The following WRN variants were observed in gnomAD, a reference collection of about 807,000 sequenced individuals.
WRN encodes bifunctional 3'-5' exonuclease/ATP-dependent helicase WRN.
A neutral mutation model predicts 180.7 loss-of-function variants in WRN; 149 were observed. The ratio of observed to expected loss-of-function variants is 0.82; its 90% CI spans 0.72 to 0.94. WRN has a LOEUF of 0.94. Ranked by LOEUF, WRN falls within the 40% of genes least tolerant of loss-of-function variation. The pLI is 0.00. For synonymous variants in WRN, 548 were observed against 568.9 expected (o/e 0.96, Z 0.52); for missense variants, 1,661 against 1,700.1 (o/e 0.98, Z 0.40).
chr8:31,088,525 A>G (rs1446777375), intron 12 of WRN, among the ~76,000 whole-genome samples: 2 of 152,148 alleles, frequency 1.3e-5, no homozygotes, highest in Non-Finnish European at 2.9e-5. Flanking sequence ...GTGCGGGACT[A>G]ATGTAATTTC....
chr8:31,157,260 T>A (rs1008577057), intron 32 of WRN, 108 bp from the exon 33 acceptor site: 1 of 1,495,258 alleles, frequency 6.7e-7, no homozygotes, highest in Non-Finnish European at 9.1e-7. Context: ...TAGTTCATTG[T>A]TTATTTCACA....
chr8:31,099,557 G>T lies in WRN; in HGVS notation c.1982-1292G>T, dbSNP rs375905974. Among the ~76,000 whole-genome samples, 814 of 144,834 alleles carry T rather than the reference G, an allele frequency of 5.6e-3. 4 individuals are homozygous for T. Among genetic ancestry groups the T allele is most frequent in the African/African-American group, 0.013 (496 of 38,414 alleles). On this transcript the variant is annotated intron_variant, in intron 17 of 34. Coordinates refer to ENST00000298139, the MANE Select transcript of WRN (RefSeq NM_000553.6). ...CCCATGTTTAGTAGGTTTTTTTTTTGTTTGTTTGTTTGTTTTTTTTTTTTG... is the reference window on the plus strand; with the variant it reads ...CCCATGTTTAGTAGGTTTTTTTTTTTTTTGTTTGTTTGTTTTTTTTTTTTG...
intron 16 of WRN, among the ~76,000 whole-genome samples, chr8:31,092,787 C>T (rs1317048967): frequency 6.6e-6 from 1 of 152,080 alleles, no homozygotes; most frequent in African/African-American, 2.4e-5. Context: ...CTAGGCAAGC[C>T]ACTGCTCCGA....
chr8:31,065,347 C>A (rs1255523913), intron 5 of WRN, among the ~76,000 whole-genome samples: 1 of 152,092 alleles, frequency 6.6e-6, no homozygotes, highest in African/African-American at 2.4e-5. Flanking sequence ...GGGTATTAAG[C>A]CTGGTACCCA....
chr8:31,061,429 G>C (rs1371364628), intron 3 of WRN, among the ~76,000 whole-genome samples: 2 of 150,432 alleles, frequency 1.3e-5, no homozygotes, highest in East Asian at 3.9e-4. Flanking sequence ...TAATGTACTT[G>C]TCTGTTAATT....
chr8:31,114,918 T>C (rs1234182948), intron 19 of WRN, among the ~76,000 whole-genome samples: 1 of 147,442 alleles, frequency 6.8e-6, no homozygotes, highest in Admixed American at 6.8e-5. Flanking sequence ...TTTTTTGACA[T>C]GGAGTCTTGC....
rs1405363192 is a variant in WRN, at chr8:31,116,285, TA to T, written c.2274-65del. The stretch of plus-strand genomic sequence containing the variant: ...GGTAGAAAGGAAGAATTAAATAAGA[TA>T]AAACCAAACGGGTCTGAAGCATGTA... On this transcript the variant is annotated intron_variant, in intron 19 of 34. Transcript: ENST00000298139. The T allele has an allele frequency of 2.6e-6, 4 of 1,535,404 alleles. No homozygotes were observed. The African/African-American group carries it at 5.5e-5, about 21-fold the overall frequency.
At position 31,150,412 on chromosome 8, in the gene WRN, T is replaced by G; in HGVS notation, c.3644T>G (p.Leu1215Arg). 6.2e-7 allele frequency: 1 copy of G among 1,614,192 alleles called. No homozygotes were observed. The highest frequency in any genetic ancestry group is 8.5e-7 in the Non-Finnish European group (1 of 1,180,016). ...SEGKAAMLAP[L>R]LEVIKHFCQT... ...GGCAAAGCTGCCATGTTGGCCCCTC[T>G]GTTGGAAGTCATCAAACATTTCTGC... Residue 1215 changes from leucine (L) to arginine (R), a missense_variant, in exon 31 of 35, where the codon CTG becomes CGG. Leu to Arg is a moderately radical substitution (Grantham distance 102). This residue lies in a region of WRN where 1,141 missense variants were observed against 1,149.4 expected (regional missense o/e 0.99). Transcript: ENST00000298139.
chr8:31,106,732 A>T (rs1257245283), intron 18 of WRN, among the ~76,000 whole-genome samples: 2 of 152,218 alleles, frequency 1.3e-5, no homozygotes, highest in Non-Finnish European at 2.9e-5. Flanking sequence ...TGTTTTAAAA[A>T]TAGCACTATC....
At chr8:31,043,111 A>G (rs987367411) in intron 1 of WRN, among the ~76,000 whole-genome samples, 2 of 152,188 alleles carry the variant, frequency 1.3e-5, no homozygotes, top group Non-Finnish European at 2.9e-5. Flanking sequence ...TCACTCAGGG[A>G]TCCGACTATT....
At chr8:31,164,087 C>T (rs1803751783) in intron 33 of WRN, among the ~76,000 whole-genome samples, 1 of 152,168 alleles carries the variant, frequency 6.6e-6, no homozygotes, top group Admixed American at 6.5e-5. Context: ...ATCCTCCCAC[C>T]TCAGCCTGCC....
rs928786616 is a variant in WRN at position 31,147,201 on chromosome 8, A to G, written c.3459+73A>G. On this transcript the variant is annotated intron_variant, in intron 29 of 34. Coordinates refer to ENST00000298139, the MANE Select transcript of WRN (RefSeq NM_000553.6). ...ATTCTATGTATGCTTAAAATTCTGT[A>G]TTTTGCCAGCATTTTAAAAATTGTT... 13 of 1,538,930 alleles carry G rather than the reference A, an allele frequency of 8.4e-6. No individual in the cohort carries two copies. The African/African-American group carries it at 9.6e-5, about 11-fold the overall frequency.
intron 23 of WRN, among the ~76,000 whole-genome samples, chr8:31,128,674 A>G (rs1802019812): frequency 1.3e-5 from 2 of 152,202 alleles, no homozygotes; most frequent in Admixed American, 6.5e-5. Flanking sequence ...CCTGGCTAAC[A>G]TGATGAAACG....
At chr8:31,161,438 C>T (rs1283762592) in intron 33 of WRN, among the ~76,000 whole-genome samples, 2 of 152,152 alleles carry the variant, frequency 1.3e-5, no homozygotes, top group African/African-American at 4.8e-5. Context: ...CAAACCTGTA[C>T]AGCATGTGAC....
At chr8:31,070,481 CTCATTTATTAAAT>C (rs1169505992) in intron 7 of WRN, among the ~76,000 whole-genome samples, 1 of 151,946 alleles carries the variant, frequency 6.6e-6, no homozygotes, top group East Asian at 1.9e-4. Context: ...GATACATTGA[CTCATTTATTAAAT>C]ATTGTTGAGC....
At position 31,087,883 on chromosome 8, in the gene WRN, A is replaced by G; in HGVS notation, c.1539A>G (p.Glu513=). 1.2e-6 allele frequency: 2 copies of G among 1,613,674 alleles called. No homozygotes were observed. The highest frequency in any genetic ancestry group is 8.5e-7 in the Non-Finnish European group (1 of 1,179,766). The change falls in exon 12 of 35, where the codon GAA becomes GAG. Residue 513 remains glutamate, a synonymous_variant. Coordinates refer to ENST00000298139, the MANE Select transcript of WRN (RefSeq NM_000553.6). ...CTAAAGAAGAAGAAGAAGATGATGAAAATGAAGCTAATGAAGGGGAAGAAG... is the reference window on the plus strand; with the variant it reads ...CTAAAGAAGAAGAAGAAGATGATGAGAATGAAGCTAATGAAGGGGAAGAAG... ...LPTKEEEEDD[E]NEANEGEEDD...
intron 24 of WRN, among the ~76,000 whole-genome samples, chr8:31,134,274 A>G (rs1042547269): frequency 6.6e-6 from 1 of 152,198 alleles, no homozygotes; most frequent in Non-Finnish European, 1.5e-5. Context: ...ATCTTTGTAC[A>G]TGATTTTGAG....
intron 23 of WRN, among the ~76,000 whole-genome samples, chr8:31,129,876 G>A (rs770944570): frequency 1.3e-4 from 19 of 151,770 alleles, no homozygotes; most frequent in Non-Finnish European, 2.5e-4. Context: ...GTGGTGGCAC[G>A]CGCCTGTAGT....
At chr8:31,097,140 A>G (rs909947390) in intron 17 of WRN, among the ~76,000 whole-genome samples, 6 of 152,152 alleles carry the variant, frequency 3.9e-5, no homozygotes, top group African/African-American at 1.4e-4. Flanking sequence ...TTTAAAATTT[A>G]TGTTTCCCCA....
Sources: gnomAD v4.1 joint callset for allele counts (sites outside exome capture counted in the v4.1 genomes callset) on GRCh38, gnomAD v4.1.1 for gene constraint, gnomAD v4.1.1 regional missense constraint, MANE v1.5 for transcripts, NCBI Gene and HGNC (gene_info 2026-07-23, HGNC 2026-07-21) for gene names.